ZNF385D: variants seen among roughly 807,000 people sequenced by gnomAD.
The protein encoded by ZNF385D is zinc finger protein 385D, also known as zinc finger protein 659.
A neutral mutation model predicts 35.8 loss-of-function variants in ZNF385D; 15 were observed. That is an observed-to-expected ratio of 0.42 (90% CI 0.28 to 0.64). ZNF385D has a LOEUF of 0.64. ZNF385D is among the 30% of genes least tolerant of loss of function. The pLI, the probability that ZNF385D is intolerant of heterozygous loss-of-function variation, is 0.23. For missense variants in ZNF385D, 474 were observed against 494.6 expected, an observed-to-expected ratio of 0.96 and a Z score of 0.39; for synonymous variants, 212 against 186.8, an observed-to-expected ratio of 1.13 and a Z score of -1.10.
intron 4 of ZNF385D, among the ~76,000 whole-genome samples, chr3:21,487,389 G>T (rs1705112756): frequency 6.6e-6 from 1 of 151,918 alleles, no homozygotes; most frequent in Non-Finnish European, 1.5e-5. Flanking sequence ...ATGTTAGAGG[G>T]GCTCAAACAT....
chr3:21,560,849 G>A (rs2062918578), intron 3 of ZNF385D, among the ~76,000 whole-genome samples: 1 of 152,186 alleles, frequency 6.6e-6, no homozygotes, highest in African/African-American at 2.4e-5. Context: ...CCTGCCCAGG[G>A]AGGAGGAATC....
In ZNF385D at chr3:22,279,879, C is replaced by T. The variant is rs376346097; in HGVS notation, c.106+92571G>A. ...ATCTCCACACTGTTTTCCACAGTGG[C>T]TGTACTAGTTTACATTCCCACCAAC... On this transcript the variant is annotated intron_variant, in intron 2 of 5. Transcript: ENST00000494108. Among the ~76,000 whole-genome samples, 657 of 152,106 alleles carry T rather than the reference C, an allele frequency of 4.3e-3. 9 individuals carry two copies. In the South Asian group the frequency reaches 0.049, roughly 11 times the overall value.
At chr3:22,092,096 A>G (rs1324154893) in intron 3 of ZNF385D, among the ~76,000 whole-genome samples, 1 of 152,212 alleles carries the variant, frequency 6.6e-6, no homozygotes, top group Non-Finnish European at 1.5e-5. Context: ...AGAAGAGTGA[A>G]TATGGAAACT....
intron 4 of ZNF385D, among the ~76,000 whole-genome samples, chr3:21,479,086 G>C (rs1397948865): frequency 2.7e-5 from 4 of 150,168 alleles, no homozygotes; most frequent in Admixed American, 2.7e-4. Flanking sequence ...CATTATTTCA[G>C]ATAAAAACAT....
Position 21,658,610 on chromosome 3 carries a change from T to TATTC in ZNF385D, c.165+6272_165+6275dup, listed in dbSNP as rs2066143815. Among the ~76,000 whole-genome samples, 5 of 50,204 alleles carry TATTC rather than the reference T, an allele frequency of 1.0e-4. No homozygotes were observed. In the Admixed American group the frequency reaches 1.2e-3, roughly 12 times the overall value. 32.9% of individuals were successfully genotyped at this position (50,204 alleles called of 152,430 possible). A position where few individuals can be genotyped will look rare whatever the true frequency, so the allele number is the denominator to read the frequency against. Reference sequence around the variant, plus strand: ...ACCTATATATCTATCTATTCCACTCTATTCATTCATTCAAAAAAATGTGCG... The same window carrying TATTC: ...ACCTATATATCTATCTATTCCACTCTATTCATTCATTCATTCAAAAAAATGTGCG... On this transcript the variant is annotated intron_variant, in intron 2 of 7. Coordinates refer to ENST00000281523, the MANE Select transcript of ZNF385D (RefSeq NM_024697.3).
At chr3:22,349,145 T>C (rs66607699) in intron 2 of ZNF385D, among the ~76,000 whole-genome samples, 16,940 of 152,158 alleles carry the variant, frequency 0.11, 1,808 homozygotes, top group African/African-American at 0.28. Context: ...CCAATACTTA[T>C]TAATCTTTGT....
Position 21,471,309 on chromosome 3 carries a change from A to T in ZNF385D, c.440-34106T>A, listed in dbSNP as rs999571652. ...CTCTCTCTCTCTCACACACACACAC[A>T]CACACACACACACACACACACACAC... On this transcript the variant is annotated intron_variant, in intron 4 of 7. Coordinates refer to ENST00000281523, the MANE Select transcript of ZNF385D (RefSeq NM_024697.3). 1.5e-3 allele frequency among the ~76,000 whole-genome samples: 217 copies of T among 140,528 alleles called. 1 individual carries two copies. The highest frequency in any genetic ancestry group is 5.3e-3 in the African/African-American group (202 of 38,010). 92.2% of individuals were successfully genotyped at this position (140,528 alleles called of 152,430 possible).
chr3:21,742,658 C>T (rs1328176672), intron 1 of ZNF385D, among the ~76,000 whole-genome samples: 1 of 152,136 alleles, frequency 6.6e-6, no homozygotes, highest in African/African-American at 2.4e-5. Flanking sequence ...TGTGGGATCC[C>T]CTCTATGATT....
intron 3 of ZNF385D, among the ~76,000 whole-genome samples, chr3:22,108,783 T>C (rs974157657): frequency 1.3e-5 from 2 of 152,038 alleles, no homozygotes; most frequent in African/African-American, 4.8e-5. Flanking sequence ...GAGGCTGAGA[T>C]GGGTGGATCA....
intron 3 of ZNF385D, among the ~76,000 whole-genome samples, chr3:21,988,733 C>G (rs374252180): frequency 6.6e-5 from 10 of 151,824 alleles, no homozygotes; most frequent in African/African-American, 2.2e-4. Context: ...TTTACCTAAG[C>G]AAGCCTGGGC....
rs148801330 is a variant in ZNF385D at position 21,767,575 on chromosome 3, G to A, written c.326-102547C>T. ...GTCACCACTACATCTCCAGGATCTCGTGACCTTGATTCACAGTAGGTGCCC... is the reference window on the plus strand; with the variant it reads ...GTCACCACTACATCTCCAGGATCTCATGACCTTGATTCACAGTAGGTGCCC... On this transcript the variant is annotated intron_variant, in intron 3 of 5. Coordinates refer to the ZNF385D transcript ENST00000494108. 2.7e-3 allele frequency among the ~76,000 whole-genome samples: 415 copies of A among 151,976 alleles called. 2 individuals are homozygous for A. Among genetic ancestry groups the A allele is most frequent in the African/African-American group, 9.4e-3 (390 of 41,480 alleles).
chr3:21,446,322 C>G (rs1368336948), intron 4 of ZNF385D, among the ~76,000 whole-genome samples: 1 of 152,004 alleles, frequency 6.6e-6, no homozygotes, highest in Admixed American at 6.6e-5. Flanking sequence ...TGACCAGTGT[C>G]CTTGTTTTCC....
At chr3:22,205,040 A>G (rs1340237045) in intron 2 of ZNF385D, among the ~76,000 whole-genome samples, 1 of 151,808 alleles carries the variant, frequency 6.6e-6, no homozygotes, top group Admixed American at 6.6e-5. Flanking sequence ...CACCAAGCAG[A>G]TTTAACCCAA....
At chr3:21,788,163 T>C (rs1422628991) in intron 3 of ZNF385D, among the ~76,000 whole-genome samples, 1 of 152,140 alleles carries the variant, frequency 6.6e-6, no homozygotes, top group African/African-American at 2.4e-5. Flanking sequence ...TAAAGGTATC[T>C]TCCATCGAGT....
intron 3 of ZNF385D, among the ~76,000 whole-genome samples, chr3:22,073,299 A>G (rs1399095422): frequency 6.6e-6 from 1 of 151,430 alleles, no homozygotes; most frequent in Non-Finnish European, 1.5e-5. Flanking sequence ...TTAGGTTAAA[A>G]TTAGTTTTAT....
rs62236191 is a variant in ZNF385D, at chr3:21,743,667, C to T, written c.22+7228G>A. Among the ~76,000 whole-genome samples the T allele has an allele frequency of 4.9e-3, 745 of 152,256 alleles. 1 individual carries two copies. The highest frequency in any genetic ancestry group is 7.7e-3 in the Non-Finnish European group (521 of 68,038). On this transcript the variant is annotated intron_variant, in intron 1 of 7. Coordinates refer to ENST00000281523, the MANE Select transcript of ZNF385D (RefSeq NM_024697.3). Reference sequence around the variant, plus strand: ...ACTAATCCCATCCTGAGGGTTCCACCCAAATGGCTTCATCTAAACTTAATT... The same window carrying T: ...ACTAATCCCATCCTGAGGGTTCCACTCAAATGGCTTCATCTAAACTTAATT...
chr3:21,924,063 C>T (rs957309769), intron 3 of ZNF385D, among the ~76,000 whole-genome samples: 1 of 152,082 alleles, frequency 6.6e-6, no homozygotes, highest in Non-Finnish European at 1.5e-5. Flanking sequence ...TGGTAAAAGC[C>T]AGAGCACATA....
At chr3:21,576,877 T>A (rs1328405150) in intron 2 of ZNF385D, among the ~76,000 whole-genome samples, 2 of 152,330 alleles carry the variant, frequency 1.3e-5, no homozygotes, top group African/African-American at 4.8e-5. Context: ...TTATTATTTT[T>A]AATTGATACA....
chr3:21,607,214 C>T lies in ZNF385D; in HGVS notation c.166-42530G>A, dbSNP rs557999652. ...AAATATATATATAGAAAAACTAATA[C>T]GATATTAATTTCATCTATAATAAAA... is the stretch of plus-strand genomic sequence containing the variant. On this transcript the variant is annotated intron_variant, in intron 2 of 7. Transcript: ENST00000281523. Among the ~76,000 whole-genome samples, 576 of 152,000 alleles carry T rather than the reference C, an allele frequency of 3.8e-3. 5 individuals carry two copies. The highest frequency in any genetic ancestry group is 0.013 in the African/African-American group (554 of 41,436).
Sources: allele counts gnomAD v4.1 joint callset (sites outside exome capture counted in the v4.1 genomes callset), GRCh38; gene constraint gnomAD v4.1.1; transcripts MANE v1.5; gene names NCBI Gene and HGNC (gene_info 2026-07-23, HGNC 2026-07-21).